The following APP variants were observed in gnomAD, a reference collection of about 807,000 sequenced individuals.
The protein encoded by APP is amyloid beta precursor protein, also known as amyloid-beta precursor protein.
A neutral mutation model predicts 101.4 loss-of-function variants in APP; 31 were observed. The ratio of observed to expected loss-of-function variants is 0.31; its 90% CI spans 0.23 to 0.41. APP has a LOEUF of 0.41. APP is among the 10% of genes least tolerant of loss of function. The probability of loss-of-function intolerance (pLI) is 1.00; values close to 1 mark genes in which losing one functional copy is unlikely to be tolerated. For synonymous variants in APP, 366 were observed against 364.4 expected (o/e 1.00, Z -0.05); for missense variants, 839 against 1,003.7 (o/e 0.84, Z 2.22).
intron 3 of APP, chr21:26,053,652 A>G: frequency 3.2e-6 from 1 of 313,044 alleles, no homozygotes; most frequent in South Asian, 3.5e-5. Context: ...CTAGAGAACC[A>G]ATTACCATTC....
chr21:25,972,042 T>G (rs1286573123), intron 11 of APP, among the ~76,000 whole-genome samples: 1 of 152,218 alleles, frequency 6.6e-6, no homozygotes, highest in Non-Finnish European at 1.5e-5. Context: ...CATGTAATAA[T>G]AAGCAATCAA....
chr21:26,131,387 C>A (rs945637968), intron 1 of APP, among the ~76,000 whole-genome samples: 4 of 152,126 alleles, frequency 2.6e-5, no homozygotes, highest in African/African-American at 4.8e-5. Context: ...TTATTGTTCA[C>A]AGTGATTCTA....
At chr21:26,022,507 A>T (rs1029300042) in intron 5 of APP, among the ~76,000 whole-genome samples, 1 of 152,206 alleles carries the variant, frequency 6.6e-6, no homozygotes, top group Non-Finnish European at 1.5e-5. Flanking sequence ...ATACTGGTTA[A>T]TAATAGTGTA....
At chr21:26,092,347 T>C (rs970917993) in intron 2 of APP, among the ~76,000 whole-genome samples, 1 of 152,104 alleles carries the variant, frequency 6.6e-6, no homozygotes, top group African/African-American at 2.4e-5. Flanking sequence ...TAAAAGGAAA[T>C]GGGCTATGAA....
chr21:26,114,273 T>C (rs2062388722), intron 1 of APP, among the ~76,000 whole-genome samples: 1 of 152,090 alleles, frequency 6.6e-6, no homozygotes, highest in Non-Finnish European at 1.5e-5. Context: ...GGAGAGGAAA[T>C]TGACAATTTC....
intron 2 of APP, among the ~76,000 whole-genome samples, chr21:26,094,076 ACTGCACT>A (rs1181677695): frequency 2.0e-5 from 3 of 150,314 alleles, no homozygotes; most frequent in Non-Finnish European, 4.4e-5. Context: ...AGATCACACC[ACTGCACT>A]CCAGCCTGGT....
At chr21:25,973,667 G>A (rs1035468956) in intron 11 of APP, among the ~76,000 whole-genome samples, 5 of 152,084 alleles carry the variant, frequency 3.3e-5, no homozygotes, top group Admixed American at 6.5e-5. Flanking sequence ...AAATGGCTGG[G>A]CATGGTGGTT....
At chr21:25,957,396 G>C (rs1488127772) in intron 11 of APP, among the ~76,000 whole-genome samples, 1 of 152,178 alleles carries the variant, frequency 6.6e-6, no homozygotes, top group Non-Finnish European at 1.5e-5. Context: ...AGAGATTAAA[G>C]GCTGACTCTT....
intron 13 of APP, among the ~76,000 whole-genome samples, chr21:25,944,367 C>T (rs1053761393): frequency 2.0e-5 from 3 of 152,132 alleles, no homozygotes; most frequent in African/African-American, 7.2e-5. Context: ...AACTTGGAAC[C>T]GGTTAATAGA....
chr21:26,098,647 C>G (rs1293508978), intron 2 of APP, among the ~76,000 whole-genome samples: 2 of 152,144 alleles, frequency 1.3e-5, no homozygotes, highest in South Asian at 4.1e-4. Context: ...TAACAAAAGG[C>G]TGAAAACAAA....
chr21:26,069,173 G>T (rs1392573936), intron 3 of APP, among the ~76,000 whole-genome samples: 1 of 152,146 alleles, frequency 6.6e-6, no homozygotes, highest in Non-Finnish European at 1.5e-5. Flanking sequence ...ACAAGAGGAG[G>T]TCATAAAAAT....
intron 7 of APP, among the ~76,000 whole-genome samples, chr21:25,997,647 C>T (rs552802004): frequency 1.3e-5 from 2 of 152,258 alleles, no homozygotes; most frequent in Admixed American, 6.5e-5. Flanking sequence ...ATCCGAGTAA[C>T]AACAGGTTTC....
chr21:26,000,230 G>GTC, intron 6 of APP, 48 bp from the exon 7 acceptor site: 1 of 1,605,834 alleles, frequency 6.2e-7, no homozygotes, highest in Non-Finnish European at 8.5e-7. Context: ...AAAAGGCACT[G>GTC]TCTCTCTGTT....
Position 26,026,477 on chromosome 21 carries a change from T to C in APP, c.663-4435A>G, listed in dbSNP as rs1047966156. Among the ~76,000 whole-genome samples the C allele has an allele frequency of 5.9e-5, 9 of 151,984 alleles. 1 individual carries two copies. In the East Asian group the frequency reaches 1.7e-3, roughly 29 times the overall value. On this transcript the variant is annotated intron_variant, in intron 5 of 17. Transcript: ENST00000346798. ...ACAAAGGTGACTCTCCTTCTGTTTC[T>C]AACTAAAGCTGACCTTGATATAATT...
At chr21:25,939,239 T>C (rs540602713) in intron 13 of APP, among the ~76,000 whole-genome samples, 7 of 152,238 alleles carry the variant, frequency 4.6e-5, no homozygotes, top group African/African-American at 1.7e-4. Context: ...ATACAGAACA[T>C]GGGAAGGAAG....
intron 1 of APP, among the ~76,000 whole-genome samples, chr21:26,117,959 A>T (rs2062473781): frequency 6.6e-6 from 1 of 152,178 alleles, no homozygotes; most frequent in Non-Finnish European, 1.5e-5. Context: ...GTCACTGTTG[A>T]TCTGGCTTCT....
intron 1 of APP, among the ~76,000 whole-genome samples, chr21:26,147,591 A>G (rs1175786623): frequency 2.8e-5 from 4 of 144,448 alleles, no homozygotes; most frequent in African/African-American, 1.0e-4. Context: ...TTTCTTAAGA[A>G]GATGTAACTT....
In APP at chr21:26,054,633, T is replaced by G. The variant is rs1022171023; in HGVS notation, c.356-1285A>C. On this transcript the variant is annotated intron_variant, in intron 3 of 17. Transcript: ENST00000346798. ...CATAGGCCAAAAGTTTTTTTTTTTT[T>G]TTTTTTTTTTTTAAGATAGACTCTA... 3.4e-4 allele frequency among the ~76,000 whole-genome samples: 50 copies of G among 145,964 alleles called. No homozygotes were observed. In the East Asian group the frequency reaches 4.1e-3, roughly 12 times the overall value.
chr21:26,104,277 A>G (rs2062130828), intron 2 of APP, among the ~76,000 whole-genome samples: 1 of 152,120 alleles, frequency 6.6e-6, no homozygotes, highest in African/African-American at 2.4e-5. Flanking sequence ...GAACACAAAC[A>G]TTCATCCCAT....
Sources: gnomAD v4.1 joint callset for allele counts (sites outside exome capture counted in the v4.1 genomes callset) on GRCh38, gnomAD v4.1.1 for gene constraint, MANE v1.5 for transcripts, NCBI Gene and HGNC (gene_info 2026-07-23, HGNC 2026-07-21) for gene names.